The following ARHGAP26 variants were observed in gnomAD, a reference collection of about 807,000 sequenced individuals.
ARHGAP26 encodes rho GTPase-activating protein 26.
Under a neutral mutation model 104.8 loss-of-function variants are expected in ARHGAP26, and 38 were observed. That is an observed-to-expected ratio of 0.36 (90% CI 0.28 to 0.48). The LOEUF is 0.48. Ranked by LOEUF, ARHGAP26 falls within the 20% of genes least tolerant of loss-of-function variation. ARHGAP26 has a pLI of 0.99. For missense variants in ARHGAP26, 704 were observed against 947.9 expected (o/e 0.74, Z 3.38); for synonymous variants, 341 against 340.0 (o/e 1.00, Z -0.03).
intron 1 of ARHGAP26, among the ~76,000 whole-genome samples, chr5:142,806,546 GA>G (rs1327135246): frequency 6.6e-6 from 1 of 151,930 alleles, no homozygotes; most frequent in Non-Finnish European, 1.5e-5. Flanking sequence ...CAAATCTGGG[GA>G]CTACTTCTCC....
intron 1 of ARHGAP26, among the ~76,000 whole-genome samples, chr5:142,827,243 T>A (rs186995128): frequency 1.4e-3 from 213 of 152,302 alleles, no homozygotes; most frequent in African/African-American, 4.9e-3. Context: ...TGGTTGGTTG[T>A]GGCATGGCCC....
intron 1 of ARHGAP26, among the ~76,000 whole-genome samples, chr5:142,867,061 C>A (rs977489730): frequency 6.6e-6 from 1 of 152,194 alleles, no homozygotes; most frequent in Non-Finnish European, 1.5e-5. Flanking sequence ...CTGGACATTT[C>A]TAGGTGGTTA....
At chr5:142,861,034 T>C (rs894005734) in intron 1 of ARHGAP26, among the ~76,000 whole-genome samples, 4 of 152,144 alleles carry the variant, frequency 2.6e-5, no homozygotes, top group African/African-American at 9.7e-5. Context: ...GAAACACTTA[T>C]CTTTGGCCTC....
chr5:143,007,194 G>GGA (rs1778112173), intron 11 of ARHGAP26, among the ~76,000 whole-genome samples: 9 of 69,582 alleles, frequency 1.3e-4, no homozygotes, highest in Admixed American at 8.1e-4. Flanking sequence ...CTCTGTCTCC[G>GGA]AAAAAAAAAA....
intron 6 of ARHGAP26, among the ~76,000 whole-genome samples, chr5:142,900,725 AT>A (rs879413114): frequency 2.0e-5 from 3 of 150,762 alleles, no homozygotes; most frequent in Non-Finnish European, 3.0e-5. Context: ...AGTAAAGTAA[AT>A]TTTTTTTTTA....
intron 20 of ARHGAP26, among the ~76,000 whole-genome samples, chr5:143,178,264 T>A (rs1803788407): frequency 6.6e-6 from 1 of 151,988 alleles, no homozygotes; most frequent in Non-Finnish European, 1.5e-5. Flanking sequence ...CCTCCCAAAG[T>A]GCTGAGATTA....
At chr5:142,919,762 C>G (rs1033477792) in intron 10 of ARHGAP26, among the ~76,000 whole-genome samples, 4 of 152,100 alleles carry the variant, frequency 2.6e-5, no homozygotes, top group Admixed American at 2.0e-4. Context: ...TTTGGGAGGC[C>G]GAGGCAAGTG....
intron 19 of ARHGAP26, among the ~76,000 whole-genome samples, chr5:143,138,602 G>T (rs954170413): frequency 2.6e-5 from 4 of 152,206 alleles, no homozygotes; most frequent in Non-Finnish European, 5.9e-5. Flanking sequence ...GAGTCTCTCT[G>T]TGAGTAGCAG....
At chr5:143,027,470 CACTGCACCTG>C (rs1206207717) in intron 12 of ARHGAP26, among the ~76,000 whole-genome samples, 1 of 151,826 alleles carries the variant, frequency 6.6e-6, no homozygotes, top group African/African-American at 2.4e-5. Flanking sequence ...GGGTATGAGC[CACTGCACCTG>C]GCTGACTTTT....
chr5:143,069,747 A>T (rs992236545), intron 17 of ARHGAP26, among the ~76,000 whole-genome samples: 2 of 152,222 alleles, frequency 1.3e-5, no homozygotes, highest in African/African-American at 4.8e-5. Flanking sequence ...TAGAAGTTTC[A>T]GGTCTTGTTA....
At chr5:143,175,834 C>T (rs528100740) in intron 20 of ARHGAP26, among the ~76,000 whole-genome samples, 1 of 152,314 alleles carries the variant, frequency 6.6e-6, no homozygotes, top group East Asian at 1.9e-4. Context: ...GCACAATAGG[C>T]CAGGCACAGT....
intron 20 of ARHGAP26, among the ~76,000 whole-genome samples, chr5:143,200,496 C>T (rs1807529803): frequency 6.6e-6 from 1 of 151,758 alleles, no homozygotes; most frequent in South Asian, 2.1e-4. Flanking sequence ...AGCCTGTAGC[C>T]ATTTTAAAAA....
intron 10 of ARHGAP26, among the ~76,000 whole-genome samples, chr5:142,924,111 C>G (rs1267515922): frequency 6.6e-6 from 1 of 152,124 alleles, no homozygotes; most frequent in African/African-American, 2.4e-5. Context: ...ATCCACCCGC[C>G]TCGGCATCCC....
At chr5:143,076,495 ATATT>A (rs1183767895) in intron 17 of ARHGAP26, among the ~76,000 whole-genome samples, 1 of 152,230 alleles carries the variant, frequency 6.6e-6, no homozygotes, top group African/African-American at 2.4e-5. Context: ...TTTCATGTAT[ATATT>A]TATATGTGTG....
intron 10 of ARHGAP26, among the ~76,000 whole-genome samples, chr5:142,929,559 G>A (rs932481430): frequency 2.6e-4 from 39 of 152,132 alleles, no homozygotes; most frequent in African/African-American, 8.0e-4. Flanking sequence ...ATGTGAATCC[G>A]TCCCCTACCC....
chr5:143,050,058 G>A (rs1241130337), intron 14 of ARHGAP26, among the ~76,000 whole-genome samples: 1 of 152,190 alleles, frequency 6.6e-6, no homozygotes, highest in Non-Finnish European at 1.5e-5. Context: ...GGGTTGGGGG[G>A]TTGCAGCATG....
intron 1 of ARHGAP26, among the ~76,000 whole-genome samples, chr5:142,793,675 C>T (rs577626650): frequency 2.5e-4 from 38 of 152,220 alleles, no homozygotes; most frequent in Admixed American, 1.3e-3. Flanking sequence ...GCAACCTCCA[C>T]CTCCCGAGTT....
At chr5:142,831,234 A>G (rs1259992433) in intron 1 of ARHGAP26, among the ~76,000 whole-genome samples, 3 of 152,166 alleles carry the variant, frequency 2.0e-5, no homozygotes, top group African/African-American at 7.2e-5. Flanking sequence ...GTGCTCAGTC[A>G]TTTGATATCT....
intron 5 of ARHGAP26, among the ~76,000 whole-genome samples, chr5:142,888,935 C>T (rs565929391): frequency 7.9e-5 from 12 of 152,148 alleles, no homozygotes; most frequent in Non-Finnish European, 1.6e-4. Context: ...TATAGCTTCT[C>T]AAGTGGCAGG....
Sources: allele counts gnomAD v4.1 joint callset (sites outside exome capture counted in the v4.1 genomes callset), GRCh38; gene constraint gnomAD v4.1.1; transcripts MANE v1.5; gene names NCBI Gene and HGNC (gene_info 2026-07-23, HGNC 2026-07-21).